Variants in BRAF observed in about 807,000 individuals in gnomAD.
BRAF encodes the protein B-Raf proto-oncogene, serine/threonine kinase.
In BRAF, 16 loss-of-function variants were observed where a neutral mutation model predicts 104.6. The observed-to-expected ratio is 0.15, with a 90% CI of 0.10 to 0.23. BRAF has a LOEUF of 0.23. BRAF is among the 10% of genes least tolerant of loss of function. BRAF has a pLI of 1.00. For missense variants in BRAF, 541 were observed against 937.3 expected (o/e 0.58, Z 5.52); for synonymous variants, 310 against 341.6 (o/e 0.91, Z 1.02).
rs567094277 is a variant in BRAF at position 140,723,159 on chromosome 7, G to A, written c.*3335C>T. 3.8e-5 allele frequency: 40 copies of A among 1,052,794 alleles called. No individual in the cohort carries two copies. In the East Asian group the frequency reaches 1.4e-3, roughly 37 times the overall value. 65.2% of individuals were successfully genotyped at this position (1,052,794 alleles called of 1,614,324 possible). A position where few individuals can be genotyped will look rare whatever the true frequency, so the allele number is the denominator to read the frequency against. On this transcript the variant is annotated 3_prime_UTR_variant, in exon 20 of 20. Transcript: ENST00000644969. ...GAGATGAGGTTTGCAAGCAGCTGGC[G>A]GGTGGATGTACAGTGGGGACAGGTG... is the stretch of plus-strand genomic sequence containing the variant.
rs570965632 is a variant in BRAF at position 140,922,878 on chromosome 7, A to G, written c.138+1688T>C. Among the ~76,000 whole-genome samples, 33 of 152,350 alleles carry G rather than the reference A, an allele frequency of 2.2e-4. 1 individual carries two copies. In the East Asian group the frequency reaches 6.4e-3, roughly 29 times the overall value. On this transcript the variant is annotated intron_variant, in intron 1 of 19. Transcript: ENST00000644969. ...AAAGCCAGGAAACAAGGCAAAATGA[A>G]TGGTAACTGGAAACAAGGGAAACAG...
At chr7:140,799,746 C>G (rs1351285994) in intron 7 of BRAF, 1 of 234,118 alleles carries the variant, frequency 4.3e-6, no homozygotes, top group Non-Finnish European at 8.4e-6. Context: ...ATGTCCTCAT[C>G]ACATACTTCA....
intron 3 of BRAF, among the ~76,000 whole-genome samples, chr7:140,809,547 T>A (rs1486168892): frequency 6.6e-6 from 1 of 152,204 alleles, no homozygotes; most frequent in Non-Finnish European, 1.5e-5. Flanking sequence ...AGAAAAGCTA[T>A]CAAGGGTCAC....
At chr7:140,915,204 T>C (rs1287477089) in intron 1 of BRAF, among the ~76,000 whole-genome samples, 1 of 151,994 alleles carries the variant, frequency 6.6e-6, no homozygotes. Context: ...AAATACAGTT[T>C]AAAAATATCA....
At position 140,731,954 on chromosome 7, in the gene BRAF, G is replaced by A. The variant is rs1368280398; in HGVS notation, c.2401+2663C>T. 11 of 151,160 alleles carry A rather than the reference G, an allele frequency of 7.3e-5. No individual in the cohort carries two copies. The East Asian group carries it at 1.7e-3, about 24-fold the overall frequency. The allele number at this position is 151,160 out of a possible 1,614,324, so 9.4% of individuals were successfully genotyped here. A position where few individuals can be genotyped will look rare whatever the true frequency, so the allele number is the denominator to read the frequency against. The stretch of plus-strand genomic sequence containing the variant: ...TGGGAGGCCGAGGCGGGCGGATCAC[G>A]AGGTCAGGAGATCGAGACCATCCCG... On this transcript the variant is annotated intron_variant, in intron 19 of 19. Transcript: ENST00000644969.
chr7:140,833,308 C>T (rs141951900), intron 3 of BRAF, among the ~76,000 whole-genome samples: 1 of 152,228 alleles, frequency 6.6e-6, no homozygotes, highest in Non-Finnish European at 1.5e-5. Context: ...GGAACAATAC[C>T]GTGATGAAGA....
At chr7:140,809,104 G>C in intron 3 of BRAF, 109 bp from the exon 4 acceptor site, 2 of 788,560 alleles carry the variant, frequency 2.5e-6, no homozygotes, top group South Asian at 2.9e-5. Flanking sequence ...TGGGTTACTA[G>C]GTCAGATACA....
chr7:140,769,271 T>C (rs1799615983), intron 14 of BRAF, among the ~76,000 whole-genome samples: 1 of 152,096 alleles, frequency 6.6e-6, no homozygotes. Flanking sequence ...AGATATGGTG[T>C]TTCACCATGT....
chr7:140,834,435 T>A, intron 3 of BRAF, 174 bp downstream of exon 3: 1 of 907,196 alleles, frequency 1.1e-6, no homozygotes. Context: ...TTATTTCAGT[T>A]AAGGAATATA....
chr7:140,783,956 C>A (rs1801119038), intron 10 of BRAF, among the ~76,000 whole-genome samples: 1 of 152,170 alleles, frequency 6.6e-6, no homozygotes, highest in African/African-American at 2.4e-5. Flanking sequence ...TGGAAGTGAT[C>A]TCTGTTGGCA....
Position 140,834,578 on chromosome 7 carries a change from CA to C in BRAF, c.504+30del, listed in dbSNP as rs1807114501. ...GATCTGTCTGAAAAATACAAAGAAA[CA>C]GCAAAATGGTGATATTAAAACTGAC... is the stretch of plus-strand genomic sequence containing the variant. On this transcript the variant is annotated intron_variant, in intron 3 of 19. Transcript: ENST00000644969. 1.9e-6 allele frequency: 3 copies of C among 1,612,666 alleles called. No individual in the cohort carries two copies. The Admixed American group carries it at 5.0e-5, about 27-fold the overall frequency.
rs1410939818 is a variant in BRAF, at chr7:140,803,419, T to C, written c.712-1859A>G. On this transcript the variant is annotated intron_variant, in intron 5 of 19. Coordinates refer to ENST00000644969, the MANE Select transcript of BRAF (RefSeq NM_001374258.1). ...TGACAGAATCAGAACCCCTGATCTA[T>C]GGTCCAAAAACATAATGGTTAACTT... Among the ~76,000 whole-genome samples the C allele has an allele frequency of 3.9e-5, 6 of 152,308 alleles. No homozygotes were observed. In the East Asian group the frequency reaches 9.6e-4, roughly 24 times the overall value.
chr7:140,754,331 T>A (rs1216279368), intron 14 of BRAF, 98 bp from the exon 14 acceptor site: 1 of 1,004,878 alleles, frequency 1.0e-6, no homozygotes, highest in African/African-American at 1.6e-5. Flanking sequence ...TTATTTAGAA[T>A]CATGATACAA....
At chr7:140,923,960 A>G (rs1395202958) in intron 1 of BRAF, among the ~76,000 whole-genome samples, 2 of 152,210 alleles carry the variant, frequency 1.3e-5, no homozygotes, top group Non-Finnish European at 2.9e-5. Flanking sequence ...AAGGCATCGG[A>G]AACTGCGATT....
chr7:140,884,936 C>T (rs1813386834), intron 1 of BRAF, among the ~76,000 whole-genome samples: 1 of 151,974 alleles, frequency 6.6e-6, no homozygotes, highest in African/African-American at 2.4e-5. Context: ...TTTTCCAAAA[C>T]AACAAAAAAC....
intron 1 of BRAF, among the ~76,000 whole-genome samples, chr7:140,923,252 T>C (rs73502790): frequency 0.015 from 2,294 of 152,152 alleles, 49 homozygotes; most frequent in African/African-American, 0.052. Context: ...TAGATGTTAA[T>C]AGTAAGTAGC....
intron 14 of BRAF, among the ~76,000 whole-genome samples, chr7:140,760,143 T>C (rs1798551724): frequency 6.6e-6 from 1 of 152,214 alleles, no homozygotes; most frequent in Admixed American, 6.5e-5. Context: ...CTAGGCACAG[T>C]GGATCATGCC....
At chr7:140,777,806 C>A (rs117044637) in intron 13 of BRAF, among the ~76,000 whole-genome samples, 185 bp downstream of exon 12, 1 of 152,068 alleles carries the variant, frequency 6.6e-6, no homozygotes, top group Admixed American at 6.6e-5. Flanking sequence ...TCAGCCATAC[C>A]ATATAACATT....
At chr7:140,921,669 T>C (rs1253918334) in intron 1 of BRAF, among the ~76,000 whole-genome samples, 2 of 152,064 alleles carry the variant, frequency 1.3e-5, no homozygotes, top group Non-Finnish European at 2.9e-5. Flanking sequence ...AGTAATAATA[T>C]CTTAGTGGCA....
Sources: allele counts gnomAD v4.1 joint callset (sites outside exome capture counted in the v4.1 genomes callset), GRCh38; gene constraint gnomAD v4.1.1; transcripts MANE v1.5; gene names NCBI Gene and HGNC (gene_info 2026-07-23, HGNC 2026-07-21).